The following SLC22A23 variants were observed in gnomAD, a reference collection of about 807,000 sequenced individuals.
SLC22A23 encodes the protein solute carrier family 22 member 23.
SLC22A23 carries 26 observed loss-of-function variants against 61.0 expected under a neutral mutation model. The observed-to-expected ratio is 0.43, with a 90% CI of 0.31 to 0.59. The LOEUF (loss-of-function observed/expected upper bound fraction) is 0.59. SLC22A23 is among the 20% of genes least tolerant of loss of function. The probability of loss-of-function intolerance (pLI) is 0.11; values close to 1 mark genes in which losing one functional copy is unlikely to be tolerated. For missense variants in SLC22A23, 796 were observed against 934.7 expected, an observed-to-expected ratio of 0.85 and a Z score of 1.94; for synonymous variants, 430 against 413.9, an observed-to-expected ratio of 1.04 and a Z score of -0.47.
At chr6:3,443,645 C>G (rs1771731611) in intron 1 of SLC22A23, among the ~76,000 whole-genome samples, 1 of 152,180 alleles carries the variant, frequency 6.6e-6, no homozygotes, top group African/African-American at 2.4e-5. Context: ...TCCACCCCAG[C>G]TTGAAGAACA....
intron 3 of SLC22A23, among the ~76,000 whole-genome samples, chr6:3,351,962 G>A (rs954949509): frequency 6.6e-6 from 1 of 152,210 alleles, no homozygotes; most frequent in African/African-American, 2.4e-5. Context: ...CAGGAGAGCA[G>A]GGAGGGATGC....
chr6:3,426,492 A>AG lies in SLC22A23; in HGVS notation c.655-10638dup, dbSNP rs749609886. 1.9e-3 allele frequency among the ~76,000 whole-genome samples: 248 copies of AG among 133,874 alleles called. 1 individual carries two copies. The highest frequency in any genetic ancestry group is 3.5e-3 in the Admixed American group (47 of 13,388). The allele number at this position is 133,874 out of a possible 152,430, so 87.8% of individuals were successfully genotyped here. On this transcript the variant is annotated intron_variant, in intron 1 of 9. Coordinates refer to ENST00000406686, the MANE Select transcript of SLC22A23 (RefSeq NM_015482.2). ...CCAAACTCTTACAACAGGAAGGATTAGGAAAAAAAAAAAATTAACATTTTA... is the reference window on the plus strand; with the variant it reads ...CCAAACTCTTACAACAGGAAGGATTAGGGAAAAAAAAAAAATTAACATTTTA...
chr6:3,343,490 T>G (rs1764263482), intron 3 of SLC22A23, among the ~76,000 whole-genome samples: 1 of 151,184 alleles, frequency 6.6e-6, no homozygotes, highest in Non-Finnish European at 1.5e-5. Context: ...CACACACACA[T>G]CCTCATCATT....
At chr6:3,391,471 T>C (rs1295452029) in intron 3 of SLC22A23, among the ~76,000 whole-genome samples, 1 of 152,266 alleles carries the variant, frequency 6.6e-6, no homozygotes, top group Non-Finnish European at 1.5e-5. Context: ...GAATCACATA[T>C]GTATATCTAT....
chr6:3,338,703 C>T (rs867338441), intron 3 of SLC22A23, among the ~76,000 whole-genome samples: 1 of 152,188 alleles, frequency 6.6e-6, no homozygotes, highest in African/African-American at 2.4e-5. Context: ...TTAGTTGCAT[C>T]CTTAAAGTTT....
intron 3 of SLC22A23, among the ~76,000 whole-genome samples, chr6:3,385,912 T>C (rs573084703): frequency 2.6e-5 from 4 of 152,110 alleles, no homozygotes; most frequent in Non-Finnish European, 5.9e-5. Flanking sequence ...GGTCATCTCA[T>C]TTTTTTTCAC....
chr6:3,307,629 G>A (rs9391988), intron 4 of SLC22A23, among the ~76,000 whole-genome samples: 35,798 of 152,110 alleles, frequency 0.24, 5,157 homozygotes, highest in East Asian at 0.35. Context: ...TCGGATCAGC[G>A]AGAGCTGCTC....
At chr6:3,313,050 C>T (rs943609063) in intron 4 of SLC22A23, 1 of 152,236 alleles carries the variant, frequency 6.6e-6, no homozygotes, top group Non-Finnish European at 1.5e-5. Flanking sequence ...AGAGCAGAGG[C>T]TCAGTGCTCA....
chr6:3,272,895 C>T lies in SLC22A23; in HGVS notation c.*160G>A. 1 of 633,746 alleles carries T rather than the reference C, an allele frequency of 1.6e-6. No homozygotes were observed. The highest frequency in any genetic ancestry group is 2.7e-6 in the Non-Finnish European group (1 of 375,642). The allele number at this position is 633,746 out of a possible 1,614,324, so 39.3% of individuals were successfully genotyped here. On this transcript the variant is annotated 3_prime_UTR_variant, in exon 10 of 10. Transcript: ENST00000406686. ...AAGAGTTTGTCTCCTCCGACCCGCG[C>T]TCCTTGGACTTTTGGAAAGACAGGA...
intron 4 of SLC22A23, chr6:3,323,166 G>A: frequency 2.3e-6 from 1 of 442,796 alleles, no homozygotes; most frequent in Non-Finnish European, 4.5e-6. Flanking sequence ...GTTACCCATA[G>A]TTCAAAAAGG....
chr6:3,350,703 A>T (rs190817931), intron 3 of SLC22A23, among the ~76,000 whole-genome samples: 2 of 152,366 alleles, frequency 1.3e-5, no homozygotes, highest in Admixed American at 1.3e-4. Flanking sequence ...TGTTTTAGTT[A>T]TCCTTCAGTT....
At chr6:3,340,993 A>G (rs975666268) in intron 3 of SLC22A23, among the ~76,000 whole-genome samples, 9 of 152,188 alleles carry the variant, frequency 5.9e-5, no homozygotes, top group African/African-American at 2.2e-4. Context: ...AATGCCTGCT[A>G]TGGCACCTTC....
At chr6:3,426,163 C>T (rs188408280) in intron 1 of SLC22A23, among the ~76,000 whole-genome samples, 4 of 152,102 alleles carry the variant, frequency 2.6e-5, no homozygotes, top group Admixed American at 2.6e-4. Context: ...ATTTTTAGTA[C>T]TGAAATGTTG....
intron 4 of SLC22A23, among the ~76,000 whole-genome samples, chr6:3,298,880 G>A (rs1761352918): frequency 6.6e-6 from 1 of 151,194 alleles, no homozygotes; most frequent in Non-Finnish European, 1.5e-5. Context: ...GCTGAGGCAG[G>A]AGAATGGTGT....
At chr6:3,298,332 C>A in intron 4 of SLC22A23, 114 bp from the exon 5 acceptor site, 1 of 1,222,612 alleles carries the variant, frequency 8.2e-7, no homozygotes, top group Non-Finnish European at 1.1e-6. Context: ...AGTCTCCAGA[C>A]ACGCATCAGC....
chr6:3,437,107 C>T (rs1771263459), intron 1 of SLC22A23, among the ~76,000 whole-genome samples: 1 of 152,110 alleles, frequency 6.6e-6, no homozygotes, highest in South Asian at 2.1e-4. Context: ...TCCTCACCAC[C>T]CTCCCATTGG....
At chr6:3,348,502 C>T (rs1581727607) in intron 3 of SLC22A23, among the ~76,000 whole-genome samples, 1 of 152,332 alleles carries the variant, frequency 6.6e-6, no homozygotes, top group East Asian at 1.9e-4. Context: ...TACTGAGTCC[C>T]ATCTGCACCT....
chr6:3,419,689 T>C (rs2127527816), intron 1 of SLC22A23, among the ~76,000 whole-genome samples: 1 of 152,232 alleles, frequency 6.6e-6, no homozygotes, highest in African/African-American at 2.4e-5. Flanking sequence ...GAGGCACAGT[T>C]CCCTGGACAG....
At chr6:3,354,755 T>C (rs1204966270) in intron 3 of SLC22A23, among the ~76,000 whole-genome samples, 3 of 152,250 alleles carry the variant, frequency 2.0e-5, no homozygotes, top group African/African-American at 7.2e-5. Flanking sequence ...AAATAGTGAA[T>C]GTCTAACAAA....
Sources: gnomAD v4.1 joint callset for allele counts (sites outside exome capture counted in the v4.1 genomes callset) on GRCh38, gnomAD v4.1.1 for gene constraint, MANE v1.5 for transcripts, NCBI Gene and HGNC (gene_info 2026-07-23, HGNC 2026-07-21) for gene names.